Variants in SLC25A26 observed in about 807,000 individuals in gnomAD.
SLC25A26 encodes mitochondrial S-adenosylmethionine carrier protein.
A neutral mutation model predicts 37.8 loss-of-function variants in SLC25A26; 36 were observed. That is an observed-to-expected ratio of 0.95 (90% CI 0.73 to 1.26). The LOEUF is 1.26. Among genes scored for constraint, SLC25A26 ranks in the 50% most tolerant of loss-of-function variants. SLC25A26 has a pLI of 0.00. For synonymous variants in SLC25A26, 129 were observed against 122.5 expected (o/e 1.05, Z -0.35); for missense variants, 390 against 331.1 (o/e 1.18, Z -1.38).
upstream of SLC25A26, among the ~76,000 whole-genome samples, chr3:66,217,292 T>C (rs1280928876): frequency 6.6e-5 from 10 of 152,222 alleles, no homozygotes; most frequent in African/African-American, 2.4e-4. Context: ...GGAACATTAG[T>C]AGCTAGAAAT....
intron 1 of SLC25A26, among the ~76,000 whole-genome samples, chr3:66,223,576 T>G (rs1388778939): frequency 6.6e-6 from 1 of 152,214 alleles, no homozygotes; most frequent in Non-Finnish European, 1.5e-5. Context: ...TTGGTTTTGC[T>G]TACTACTCTT....
intron 3 of SLC25A26, among the ~76,000 whole-genome samples, chr3:66,244,836 G>A (rs914774405): frequency 6.6e-6 from 1 of 151,952 alleles, no homozygotes; most frequent in Non-Finnish European, 1.5e-5. Flanking sequence ...AATTAGCCGG[G>A]TGTGGTGGTG....
intron 5 of SLC25A26, among the ~76,000 whole-genome samples, chr3:66,315,255 C>A (rs994684060): frequency 5.3e-5 from 8 of 151,938 alleles, no homozygotes; most frequent in Non-Finnish European, 1.2e-4. Flanking sequence ...TTGATGTAGG[C>A]ATTTATTGCT....
intron 5 of SLC25A26, among the ~76,000 whole-genome samples, chr3:66,295,040 GT>G (rs1170967023): frequency 3.9e-5 from 6 of 152,060 alleles, no homozygotes; most frequent in Admixed American, 2.6e-4. Context: ...ATAAAAACTG[GT>G]TGGATACAGA....
At chr3:66,233,688 G>T (rs1377032174) in intron 1 of SLC25A26, among the ~76,000 whole-genome samples, 2 of 151,860 alleles carry the variant, frequency 1.3e-5, no homozygotes, top group Non-Finnish European at 2.9e-5. Flanking sequence ...CAGGTTCTCT[G>T]TTAGCTGTTT....
At chr3:66,222,527 C>A (rs2071550350) in intron 1 of SLC25A26, among the ~76,000 whole-genome samples, 1 of 152,236 alleles carries the variant, frequency 6.6e-6, no homozygotes, top group African/African-American at 2.4e-5. Context: ...GGTGACACAG[C>A]AGCAGTAGTT....
At chr3:66,276,690 A>G (rs1033383725) in intron 5 of SLC25A26, among the ~76,000 whole-genome samples, 3 of 152,054 alleles carry the variant, frequency 2.0e-5, no homozygotes, top group Non-Finnish European at 2.9e-5. Flanking sequence ...TAGGTGGGAA[A>G]AGGTTGATAA....
At chr3:66,333,094 A>G (rs1380317400) in intron 5 of SLC25A26, among the ~76,000 whole-genome samples, 1 of 151,954 alleles carries the variant, frequency 6.6e-6, no homozygotes, top group Non-Finnish European at 1.5e-5. Flanking sequence ...TGTTCTACCT[A>G]CCTGTAAGCT....
At chr3:66,290,926 T>C (rs746409315) in intron 5 of SLC25A26, among the ~76,000 whole-genome samples, 18 of 152,224 alleles carry the variant, frequency 1.2e-4, no homozygotes, top group African/African-American at 1.7e-4. Flanking sequence ...AGAATTCGGC[T>C]GTGAATCCGT....
chr3:66,236,840 AT>A, intron 2 of SLC25A26, 140 bp downstream of exon 2: 2 of 625,714 alleles, frequency 3.2e-6, no homozygotes, highest in Non-Finnish European at 4.9e-6. Context: ...TGTCATTATT[AT>A]TTTTTATTTA....
chr3:66,148,679 A>G, intron 1 of SLC25A26, among the ~76,000 whole-genome samples: 1 of 152,216 alleles, frequency 6.6e-6, no homozygotes, highest in East Asian at 1.9e-4. Context: ...TACCATATTG[A>G]AAAAGGAATT....
intron 8 of SLC25A26, 89 bp downstream of exon 8, chr3:66,369,631 G>C (rs2107839572): frequency 1.7e-6 from 2 of 1,153,820 alleles, no homozygotes; most frequent in Non-Finnish European, 2.5e-6. Flanking sequence ...AACACAAATG[G>C]CTACCATTTA....
intron 1 of SLC25A26, among the ~76,000 whole-genome samples, chr3:66,191,505 T>C (rs2070941340): frequency 6.6e-6 from 1 of 152,200 alleles, no homozygotes. Flanking sequence ...AAGATGAATG[T>C]AAGAAGAACA....
chr3:66,295,107 C>A (rs1044097044), intron 5 of SLC25A26, among the ~76,000 whole-genome samples: 2 of 152,122 alleles, frequency 1.3e-5, no homozygotes. Flanking sequence ...AGTTTACAAC[C>A]TATTTTGTAA....
chr3:66,212,985 A>T (rs1476582919), intron 1 of SLC25A26, among the ~76,000 whole-genome samples: 2 of 152,016 alleles, frequency 1.3e-5, no homozygotes, highest in African/African-American at 2.4e-5. Context: ...TCTTACTTTT[A>T]TTTTTTCCTT....
intron 5 of SLC25A26, among the ~76,000 whole-genome samples, chr3:66,328,500 C>G (rs2075893111): frequency 6.6e-6 from 1 of 152,124 alleles, no homozygotes; most frequent in Non-Finnish European, 1.5e-5. Context: ...TATTTTCATC[C>G]TCTTTCCTTT....
At chr3:66,208,462 T>G (rs1358814003) in intron 1 of SLC25A26, among the ~76,000 whole-genome samples, 1 of 151,958 alleles carries the variant, frequency 6.6e-6, no homozygotes, top group Non-Finnish European at 1.5e-5. Context: ...TCACATGCCC[T>G]CTTGCCAGAA....
At position 66,362,905 on chromosome 3, in the gene SLC25A26, T is replaced by C. The variant is rs2076743249; in HGVS notation, c.544T>C (p.Ser182Pro). 1 of 1,608,876 alleles carries C rather than the reference T, an allele frequency of 6.2e-7. No homozygotes were observed. The highest frequency in any genetic ancestry group is 1.7e-5 in the Admixed American group (1 of 59,520). Residue 182 changes from serine (S) to proline (P), a missense_variant, in exon 7 of 10, where the codon TCA becomes CCA. Transcript: ENST00000354883. ...GGATCATGTGGTGGATTCTTGGCAG[T>C]CAGCAGTCTGTGGAGCTTTTGCAGG... is the stretch of plus-strand genomic sequence containing the variant. Reference protein sequence around the residue: ...RQDHVVDSWQSAVCGAFAGGF... With the variant: ...RQDHVVDSWQPAVCGAFAGGF...
chr3:66,240,968 C>T (rs1036441906), intron 2 of SLC25A26, among the ~76,000 whole-genome samples: 36 of 151,762 alleles, frequency 2.4e-4, no homozygotes, highest in Non-Finnish European at 3.1e-4. Context: ...AGGATGGTCT[C>T]GATCTCCTGA....
Sources: allele counts gnomAD v4.1 joint callset (sites outside exome capture counted in the v4.1 genomes callset), GRCh38; gene constraint gnomAD v4.1.1; transcripts MANE v1.5; gene names NCBI Gene and HGNC (gene_info 2026-07-23, HGNC 2026-07-21).